Variants in INTS11 observed in about 807,000 individuals in gnomAD.
INTS11 encodes the protein integrator complex subunit 11.
A neutral mutation model predicts 78.6 loss-of-function variants in INTS11; 77 were observed. That is an observed-to-expected ratio of 0.98 (90% CI 0.81 to 1.18). The LOEUF is 1.18. Among genes scored for constraint, INTS11 ranks in the 50% most tolerant of loss-of-function variants. The pLI, the probability that INTS11 is intolerant of heterozygous loss-of-function variation, is 0.00. For missense variants in INTS11, 875 were observed against 825.9 expected, an observed-to-expected ratio of 1.06 and a Z score of -0.73; for synonymous variants, 441 against 326.9, an observed-to-expected ratio of 1.35 and a Z score of -3.77.
intron 1 of INTS11, chr1:1,322,019 G>A (rs1426133383): frequency 1.2e-5 from 16 of 1,296,460 alleles, no homozygotes; most frequent in Non-Finnish European, 1.6e-5. Context: ...TTCTCTTCCA[G>A]GCCTGTTCCT....
At chr1:1,319,163 T>A (rs755015463) in intron 4 of INTS11, 133 bp downstream of exon 4, 1 of 876,752 alleles carries the variant, frequency 1.1e-6, no homozygotes, top group Non-Finnish European at 2.0e-6. Flanking sequence ...CCCACGGTGC[T>A]GGACGCAAGA....
chr1:1,324,625 C>T lies in INTS11; in HGVS notation c.-17G>A. 6 of 1,598,898 alleles carry T rather than the reference C, an allele frequency of 3.8e-6. No homozygotes were observed. The highest frequency in any genetic ancestry group is 4.3e-6 in the Non-Finnish European group (5 of 1,174,554). On this transcript the variant is annotated 5_prime_UTR_variant, in exon 1 of 17. Coordinates refer to ENST00000435064, the MANE Select transcript of INTS11 (RefSeq NM_017871.6). Reference sequence around the variant, plus strand: ...CTCAGGCATCGTCTCCGCCGCGCTCCCGGACCCGCGAGGCCCGCCTGCGGT... The same window carrying T: ...CTCAGGCATCGTCTCCGCCGCGCTCTCGGACCCGCGAGGCCCGCCTGCGGT...
chr1:1,323,679 G>A (rs1643101409), intron 1 of INTS11, among the ~76,000 whole-genome samples: 1 of 151,350 alleles, frequency 6.6e-6, no homozygotes, highest in African/African-American at 2.4e-5. Flanking sequence ...CCAAAGTGCT[G>A]TGATTGCAGG....
chr1:1,312,967 C>T lies in INTS11; in HGVS notation c.1132-18G>A, dbSNP rs543500205. On this transcript the variant is annotated intron_variant, in intron 11 of 16. Coordinates refer to ENST00000435064, the MANE Select transcript of INTS11 (RefSeq NM_017871.6). Reference sequence around the variant, plus strand: ...ACCTCCAGCTACAGAGGCCACGGGGCGTGGACAGTGGTTACCACCAGGAGG... The same window carrying T: ...ACCTCCAGCTACAGAGGCCACGGGGTGTGGACAGTGGTTACCACCAGGAGG... The T allele has an allele frequency of 1.1e-4, 173 of 1,611,954 alleles. No homozygotes were observed. In the South Asian group the frequency reaches 1.6e-3, roughly 15 times the overall value.
chr1:1,323,217 T>C, intron 1 of INTS11: 2 of 1,550,188 alleles, frequency 1.3e-6, no homozygotes, highest in Non-Finnish European at 1.7e-6. Flanking sequence ...TCCTGGTGTC[T>C]GTGCTGGAAG....
intron 9 of INTS11, 66 bp from the exon 10 acceptor site, chr1:1,313,658 C>A: frequency 6.2e-7 from 1 of 1,610,750 alleles, no homozygotes; most frequent in Non-Finnish European, 8.5e-7. Context: ...ACTGCAGGCC[C>A]AAGCCCAGAC....
chr1:1,313,347 C>T (rs1259610336), intron 10 of INTS11, 162 bp downstream of exon 10: 2 of 908,338 alleles, frequency 2.2e-6, no homozygotes, highest in Non-Finnish European at 3.4e-6. Context: ...GTCACAGAGA[C>T]TGAGCAGCTC....
intron 10 of INTS11, 106 bp from the exon 11 acceptor site, chr1:1,313,230 C>CAGCG: frequency 1.5e-6 from 2 of 1,304,004 alleles, no homozygotes; most frequent in Non-Finnish European, 2.1e-6. Context: ...TTCCACCTGC[C>CAGCG]AGCGGCGCCC....
intron 3 of INTS11, 106 bp from the exon 4 acceptor site, chr1:1,319,630 G>A: frequency 4.1e-6 from 3 of 731,228 alleles, no homozygotes; most frequent in Non-Finnish European, 6.6e-6. Flanking sequence ...CTGTGCGCCA[G>A]GCCTCATCCC....
chr1:1,319,007 G>A, intron 4 of INTS11: 1 of 717,374 alleles, frequency 1.4e-6, no homozygotes, highest in South Asian at 1.5e-5. Flanking sequence ...GCACCAGCCT[G>A]TCCCACTCTG....
chr1:1,321,619 C>T (rs887301650), intron 1 of INTS11, among the ~76,000 whole-genome samples: 1 of 152,224 alleles, frequency 6.6e-6, no homozygotes. Flanking sequence ...CATGCCATAG[C>T]GAACACGGTG....
chr1:1,324,540 A>G (rs1290683526), intron 1 of INTS11, 41 bp downstream of exon 1: 3 of 1,575,580 alleles, frequency 1.9e-6, no homozygotes, highest in Admixed American at 3.5e-5. Context: ...GGAGCCGCAT[A>G]CGGAGCCCAC....
chr1:1,317,511 G>C, intron 4 of INTS11: 2 of 938,078 alleles, frequency 2.1e-6, no homozygotes, highest in Non-Finnish European at 2.5e-6. Flanking sequence ...TCAGGAAACA[G>C]GAAAGACAAA....
In INTS11 at chr1:1,315,594, C is replaced by T. The variant is rs748574660; in HGVS notation, c.454G>A (p.Ala152Thr). 6.2e-7 allele frequency: 1 copy of T among 1,611,490 alleles called. No individual in the cohort carries two copies. The highest frequency in any genetic ancestry group is 2.2e-5 in the East Asian group (1 of 44,838). ...VQVDDELEIK[A>T]YYAGHVLGAA... ...CCCAGCACGTGGCCTGCATAGTAGGCCTTGATCTCCAGCTCATCATCTACC... is the reference window on the plus strand; with the variant it reads ...CCCAGCACGTGGCCTGCATAGTAGGTCTTGATCTCCAGCTCATCATCTACC... Residue 152 changes from alanine (A) to threonine (T), a missense_variant, in exon 5 of 17, where the codon GCC becomes ACC. By Grantham distance (58) the Ala-to-Thr change is moderately conservative. Transcript: ENST00000435064.
chr1:1,314,729 C>G lies in INTS11; in HGVS notation c.702+95G>C. 1 of 1,437,506 alleles carries G rather than the reference C, an allele frequency of 7.0e-7. No individual in the cohort carries two copies. Among genetic ancestry groups the G allele is most frequent in the Non-Finnish European group, 9.5e-7 (1 of 1,047,872 alleles). 89.0% of individuals were successfully genotyped at this position (1,437,506 alleles called of 1,614,324 possible). ...GCCTGAAAATGCAGTACCCCCCACC[C>G]TGAGACCCTGACCCATGCCAAGGGC... On this transcript the variant is annotated intron_variant, in intron 7 of 16. Coordinates refer to ENST00000435064, the MANE Select transcript of INTS11 (RefSeq NM_017871.6). The surrounding 1 kb of genome is among the most constrained non-coding windows in gnomAD (Gnocchi z 4.2).
At chr1:1,317,811 A>G (rs980588901) in intron 4 of INTS11, 16 of 152,246 alleles carry the variant, frequency 1.1e-4, no homozygotes, top group Admixed American at 7.2e-4. Flanking sequence ...CACCTAAGGG[A>G]AAAAAAGTCC....
Position 1,319,442 on chromosome 1 carries a change from G to A in INTS11, c.283C>T (p.Pro95Ser). ...GYDGPIYMTH[P>S]TQAICPILLE... is the part of the protein sequence containing the mutation. ...AAGATGGGGCAGATGGCCTGGGTGG[G>A]GTGAGTCATGTAGATGGGCCCGTCG... The change falls in exon 4 of 17, where the codon CCC becomes TCC. Residue 95 changes from proline to serine, a missense_variant. Transcript: ENST00000435064. 6.2e-7 allele frequency: 1 copy of A among 1,612,862 alleles called. No homozygotes were observed. The highest frequency in any genetic ancestry group is 8.5e-7 in the Non-Finnish European group (1 of 1,179,744).
Position 1,315,249 on chromosome 1 carries a change from C to T in INTS11, c.563+155G>A, listed in dbSNP as rs575028606. On this transcript the variant is annotated intron_variant, in intron 6 of 16. Transcript: ENST00000435064. Reference sequence around the variant, plus strand: ...CCCCTGCCTGGACCCTGTGCCTTCGCGCATTTGGGCCCAGAACGAAGGGGG... The same window carrying T: ...CCCCTGCCTGGACCCTGTGCCTTCGTGCATTTGGGCCCAGAACGAAGGGGG... 1.8e-4 allele frequency: 161 copies of T among 915,592 alleles called. No individual in the cohort carries two copies. The East Asian group carries it at 3.2e-3, about 18-fold the overall frequency. 56.7% of individuals were successfully genotyped at this position (915,592 alleles called of 1,614,324 possible). A position where few individuals can be genotyped will look rare whatever the true frequency, so the allele number is the denominator to read the frequency against.
chr1:1,314,736 CCT>C lies in INTS11; in HGVS notation c.702+86_702+87del. The C allele has an allele frequency of 1.3e-6, 2 of 1,492,276 alleles. No homozygotes were observed. Among genetic ancestry groups the C allele is most frequent in the Non-Finnish European group, 1.8e-6 (2 of 1,089,922 alleles). The allele number at this position is 1,492,276 out of a possible 1,614,324, so 92.4% of individuals were successfully genotyped here. ...AATGCAGTACCCCCCACCCTGAGAC[CCT>C]GACCCATGCCAAGGGCAGCCAAGCC... On this transcript the variant is annotated intron_variant, in intron 7 of 16. Transcript: ENST00000435064. The surrounding 1 kb of genome is among the most constrained non-coding windows in gnomAD (Gnocchi z 4.2).
Sources: gnomAD v4.1 joint callset for allele counts (sites outside exome capture counted in the v4.1 genomes callset) on GRCh38, gnomAD v4.1.1 for gene constraint, Gnocchi (gnomAD v3.1) non-coding constraint, MANE v1.5 for transcripts, NCBI Gene and HGNC (gene_info 2026-07-23, HGNC 2026-07-21) for gene names.